TCF7: variants seen among roughly 807,000 people sequenced by gnomAD.
The protein encoded by TCF7 is transcription factor 7, also known as T-cell-factor-7.
A neutral mutation model predicts 46.8 loss-of-function variants in TCF7; 19 were observed. The observed-to-expected ratio is 0.41, with a 90% CI of 0.28 to 0.60. The LOEUF is 0.60. Ranked by LOEUF, TCF7 falls within the 20% of genes least tolerant of loss-of-function variation. TCF7 has a pLI of 0.35. For synonymous variants in TCF7, 245 were observed against 213.4 expected (o/e 1.15, Z -1.29); for missense variants, 547 against 504.6 (o/e 1.08, Z -0.81).
intron 1 of TCF7, 67 bp downstream of exon 1, chr5:134,115,222 GCCCTCGGGGTCTCCAGCGCGCAGAGCGT>G: frequency 8.0e-7 from 1 of 1,248,550 alleles, no homozygotes; most frequent in Non-Finnish European, 1.0e-6. Flanking sequence ...GTTGCGCGCG[GCCCTCGGGGTCTCCAGCGCGCAGAGCGT>G]CCCTGCCCCG....
chr5:134,129,073 T>G (rs923390836), intron 3 of TCF7, among the ~76,000 whole-genome samples: 4 of 152,204 alleles, frequency 2.6e-5, no homozygotes, highest in African/African-American at 9.6e-5. Context: ...AAGGGCCAGA[T>G]TCTAATCCAG....
intron 5 of TCF7, 158 bp downstream of exon 5, chr5:134,139,196 C>A: frequency 8.4e-7 from 1 of 1,193,316 alleles, no homozygotes; most frequent in Non-Finnish European, 1.1e-6. Context: ...TAACCTGGCT[C>A]TGAGCTAGGG....
At chr5:134,117,834 G>A (rs887708806) in intron 3 of TCF7, among the ~76,000 whole-genome samples, 2 of 152,040 alleles carry the variant, frequency 1.3e-5, no homozygotes, top group Non-Finnish European at 2.9e-5. Flanking sequence ...TCCTCCCCGC[G>A]CAGCCACAGT....
At chr5:134,143,287 C>G (rs752895973) in intron 8 of TCF7, 187 bp downstream of exon 8, 49 of 755,158 alleles carry the variant, frequency 6.5e-5, no homozygotes, top group Non-Finnish European at 1.1e-4. Flanking sequence ...ATTCTCCACT[C>G]CAGAATATGC....
chr5:134,118,584 G>A (rs1756153269), intron 3 of TCF7, among the ~76,000 whole-genome samples: 1 of 152,108 alleles, frequency 6.6e-6, no homozygotes. Flanking sequence ...ACAGCCAACT[G>A]CCACGGGACA....
At chr5:134,129,013 C>T (rs1466416514) in intron 3 of TCF7, among the ~76,000 whole-genome samples, 1 of 152,222 alleles carries the variant, frequency 6.6e-6, no homozygotes, top group Non-Finnish European at 1.5e-5. Context: ...AGAAGTGCTG[C>T]CTGTTGAGGC....
In TCF7 at chr5:134,146,444, GGGCCCCCACA is replaced by G; in HGVS notation, c.*149_*158del. On this transcript the variant is annotated 3_prime_UTR_variant, in exon 10 of 10. Transcript: ENST00000342854. ...CACTGCTCTCAGCCTCCCAACCCCA[GGGCCCCCACA>G]GGCCCCCCGCAGCACCCTGCAGAGC... 1 of 1,031,034 alleles carries G rather than the reference GGGCCCCCACA, an allele frequency of 9.7e-7. No homozygotes were observed. Among genetic ancestry groups the G allele is most frequent in the Non-Finnish European group, 1.5e-6 (1 of 657,278 alleles). The allele number at this position is 1,031,034 out of a possible 1,614,324, so 63.9% of individuals were successfully genotyped here.
upstream of TCF7, among the ~76,000 whole-genome samples, chr5:134,114,252 G>A (rs1350060210): frequency 2.0e-5 from 3 of 152,098 alleles, no homozygotes; most frequent in South Asian, 2.1e-4. Flanking sequence ...CCTGGGGTAC[G>A]AGCACAGCCT....
chr5:134,145,243 C>T (rs1352861617), intron 9 of TCF7: 1 of 553,464 alleles, frequency 1.8e-6, no homozygotes, highest in Admixed American at 1.9e-5. Flanking sequence ...CATGGGCTCC[C>T]TCACTTCCTC....
intron 3 of TCF7, among the ~76,000 whole-genome samples, chr5:134,135,683 G>A (rs540541312): frequency 6.6e-6 from 1 of 152,210 alleles, no homozygotes; most frequent in African/African-American, 2.4e-5. Context: ...TGAGTTTAGG[G>A]GGCATTTCAG....
chr5:134,116,769 G>A (rs1755891960), intron 3 of TCF7, among the ~76,000 whole-genome samples: 1 of 152,266 alleles, frequency 6.6e-6, no homozygotes, highest in Non-Finnish European at 1.5e-5. Context: ...CCTAAAGTGT[G>A]AAGAGCCTAT....
intron 5 of TCF7, chr5:134,139,899 C>T (rs1414763816): frequency 6.6e-6 from 1 of 152,248 alleles, no homozygotes; most frequent in Non-Finnish European, 1.5e-5. Flanking sequence ...CAAATTAAGA[C>T]TACTCCCATG....
intron 3 of TCF7, among the ~76,000 whole-genome samples, chr5:134,121,349 C>T (rs1031662468): frequency 6.6e-6 from 1 of 151,636 alleles, no homozygotes; most frequent in Non-Finnish European, 1.5e-5. Context: ...TTTGGGAGGC[C>T]AAGGTGGGTG....
rs776168265 is a variant in TCF7, at chr5:134,148,100, G to C, written c.*1797G>C. ...AGATCACATATTCTAGTGTAACACT[G>C]CAAGAAGTCTTGAGAAAAAGATTAT... On this transcript the variant is annotated 3_prime_UTR_variant, in exon 10 of 10. Coordinates refer to ENST00000342854, the MANE Select transcript of TCF7 (RefSeq NM_003202.5). 2.0e-5 allele frequency: 3 copies of C among 152,306 alleles called. No individual in the cohort carries two copies. Among genetic ancestry groups the C allele is most frequent in the Non-Finnish European group, 4.4e-5 (3 of 68,008 alleles). 9.4% of individuals were successfully genotyped at this position (152,306 alleles called of 1,614,324 possible).
chr5:134,127,440 C>A (rs1470013579), intron 3 of TCF7, among the ~76,000 whole-genome samples: 1 of 152,248 alleles, frequency 6.6e-6, no homozygotes, highest in East Asian at 1.9e-4. Context: ...GACCTGTCTA[C>A]AGGTGGATCA....
At chr5:134,112,643 C>G (rs1372988809), upstream of TCF7, among the ~76,000 whole-genome samples, 1 of 152,106 alleles carries the variant, frequency 6.6e-6, no homozygotes, top group African/African-American at 2.4e-5. Flanking sequence ...TCCTTATGTT[C>G]TTTCACCAAA....
chr5:134,145,427 G>T, intron 9 of TCF7: 1 of 558,938 alleles, frequency 1.8e-6, no homozygotes. Flanking sequence ...ACCCTGGGCT[G>T]TCTGAGGGAA....
chr5:134,115,136 G>C lies in TCF7; in HGVS notation c.230G>C (p.Gly77Ala). 2 of 1,013,084 alleles carry C rather than the reference G, an allele frequency of 2.0e-6. No homozygotes were observed. Among genetic ancestry groups the C allele is most frequent in the Non-Finnish European group, 2.4e-6 (2 of 849,386 alleles). The allele number at this position is 1,013,084 out of a possible 1,614,324, so 62.8% of individuals were successfully genotyped here. Residue 77 changes from glycine (G) to alanine (A), a missense_variant, in exon 1 of 10, where the codon GGG (glycine) becomes GCG (alanine). Physicochemically the swap from Gly to Ala is moderately conservative, Grantham distance 60 (BLOSUM62 0). Transcript: ENST00000342854. ...GIPGVPGAGA[G>A]ARGEAEALGR... Reference sequence around the variant, plus strand: ...CCGGGGGTCCCGGGGGCCGGCGCCGGGGCCCGCGGCGAGGCCGAGGTGAGC... The same window carrying C: ...CCGGGGGTCCCGGGGGCCGGCGCCGCGGCCCGCGGCGAGGCCGAGGTGAGC...
chr5:134,145,061 T>TA (rs1233670361), intron 9 of TCF7: 3 of 643,236 alleles, frequency 4.7e-6, no homozygotes, highest in Admixed American at 2.3e-5. Context: ...CACTTGGGTC[T>TA]AAGTGCAGGA....
Sources: gnomAD v4.1 joint callset for allele counts (sites outside exome capture counted in the v4.1 genomes callset) on GRCh38, gnomAD v4.1.1 for gene constraint, MANE v1.5 for transcripts, NCBI Gene and HGNC (gene_info 2026-07-23, HGNC 2026-07-21) for gene names.